Variants in DNAJC5B observed in about 807,000 individuals in gnomAD.
DNAJC5B encodes DnaJ heat shock protein family (Hsp40) member C5 beta, also known as dnaJ homolog subfamily C member 5B.
DNAJC5B carries 23 observed loss-of-function variants against 24.7 expected under a neutral mutation model. The ratio of observed to expected loss-of-function variants is 0.93; its 90% CI spans 0.67 to 1.32. The LOEUF is 1.32. Ranked by LOEUF, DNAJC5B falls within the 40% of genes most tolerant of loss-of-function variation. The pLI, the probability that DNAJC5B is intolerant of heterozygous loss-of-function variation, is 0.00. For missense variants in DNAJC5B, 238 were observed against 240.8 expected, an observed-to-expected ratio of 0.99 and a Z score of 0.08; for synonymous variants, 101 against 90.1, an observed-to-expected ratio of 1.12 and a Z score of -0.68.
intron 3 of DNAJC5B, chr8:66,057,083 G>C (rs1029200298): frequency 6.6e-6 from 1 of 152,202 alleles, no homozygotes; most frequent in Admixed American, 6.5e-5. Context: ...AGCTTGCAGT[G>C]AGCCGAGATC....
At position 66,055,050 on chromosome 8, in the gene DNAJC5B, T is replaced by C. The variant is rs186915099; in HGVS notation, c.119+3384T>C. On this transcript the variant is annotated intron_variant, in intron 3 of 5. Transcript: ENST00000276570. Reference sequence around the variant, plus strand: ...TGACTCTTAATTGTCTTTATTAATTTTGTAAGCCAAAATTTCAGGTCATAT... The same window carrying C: ...TGACTCTTAATTGTCTTTATTAATTCTGTAAGCCAAAATTTCAGGTCATAT... Among the ~76,000 whole-genome samples, 327 of 152,346 alleles carry C rather than the reference T, an allele frequency of 2.1e-3. 2 individuals carry two copies. The highest frequency in any genetic ancestry group is 1.5e-3 in the Non-Finnish European group (104 of 68,038).
In DNAJC5B at chr8:66,100,089, G is replaced by T; in HGVS notation, c.*58G>T. On this transcript the variant is annotated 3_prime_UTR_variant, in exon 6 of 6. Transcript: ENST00000276570. ...TCTCAGTTCAGTCTTGTCTCCAGAT[G>T]GTCGTAGGGGAGCGTGTGGGGCATA... 6.8e-7 allele frequency: 1 copy of T among 1,471,484 alleles called. No homozygotes were observed. The highest frequency in any genetic ancestry group is 1.2e-5 in the South Asian group (1 of 82,638). 91.2% of individuals were successfully genotyped at this position (1,471,484 alleles called of 1,614,324 possible). A position where few individuals can be genotyped will look rare whatever the true frequency, so the allele number is the denominator to read the frequency against.
chr8:66,046,805 A>G (rs1023241963), intron 2 of DNAJC5B, among the ~76,000 whole-genome samples: 1 of 152,268 alleles, frequency 6.6e-6, no homozygotes, highest in Non-Finnish European at 1.5e-5. Flanking sequence ...TGGAAGCTCA[A>G]CCAGCTGAGA....
At chr8:66,064,196 AG>A (rs1222212795) in intron 3 of DNAJC5B, among the ~76,000 whole-genome samples, 1 of 152,216 alleles carries the variant, frequency 6.6e-6, no homozygotes, top group African/African-American at 2.4e-5. Flanking sequence ...AAATGGGTTT[AG>A]GAAGAATAAG....
chr8:66,087,271 A>G (rs1178512837), intron 5 of DNAJC5B, among the ~76,000 whole-genome samples: 1 of 152,172 alleles, frequency 6.6e-6, no homozygotes, highest in Non-Finnish European at 1.5e-5. Flanking sequence ...TCTCATGAGA[A>G]TTCACTCACT....
chr8:66,095,696 T>C (rs202209275), intron 5 of DNAJC5B, among the ~76,000 whole-genome samples: 185 of 119,432 alleles, frequency 1.5e-3, no homozygotes, highest in Middle Eastern at 8.0e-3. Flanking sequence ...CACACACACA[T>C]ACAATGTTCT....
chr8:66,060,117 G>A (rs937248993), intron 3 of DNAJC5B, among the ~76,000 whole-genome samples: 2 of 152,204 alleles, frequency 1.3e-5, no homozygotes, highest in Non-Finnish European at 2.9e-5. Flanking sequence ...GCTCCTTCCA[G>A]TTTTCCTTGT....
At chr8:66,092,075 G>A (rs1473140717) in intron 5 of DNAJC5B, among the ~76,000 whole-genome samples, 1 of 152,148 alleles carries the variant, frequency 6.6e-6, no homozygotes, top group Non-Finnish European at 1.5e-5. Context: ...AGATAAAAAT[G>A]TTTTGCAATT....
chr8:66,060,710 T>C (rs1245551887), intron 3 of DNAJC5B, among the ~76,000 whole-genome samples: 1 of 152,196 alleles, frequency 6.6e-6, no homozygotes, highest in East Asian at 1.9e-4. Flanking sequence ...TACCTAATGA[T>C]AGCAGAAGCC....
At chr8:66,091,745 C>T (rs1167765638) in intron 5 of DNAJC5B, among the ~76,000 whole-genome samples, 1 of 151,836 alleles carries the variant, frequency 6.6e-6, no homozygotes, top group Non-Finnish European at 1.5e-5. Flanking sequence ...GTAGGATTAC[C>T]TAGGAAAGGG....
intron 3 of DNAJC5B, among the ~76,000 whole-genome samples, chr8:66,065,397 G>A (rs1216419017): frequency 6.6e-6 from 1 of 152,194 alleles, no homozygotes. Context: ...CATGTACTAT[G>A]GTAGCAGGTG....
chr8:66,075,720 A>C (rs1483337036), intron 3 of DNAJC5B, among the ~76,000 whole-genome samples: 1 of 152,196 alleles, frequency 6.6e-6, no homozygotes, highest in East Asian at 1.9e-4. Context: ...ATATTTTGGT[A>C]ATGTAAAGCA....
intron 2 of DNAJC5B, among the ~76,000 whole-genome samples, chr8:66,047,962 A>G (rs1806758773): frequency 6.6e-6 from 1 of 152,186 alleles, no homozygotes; most frequent in Non-Finnish European, 1.5e-5. Context: ...CCTCCCAAAG[A>G]TGTGCCAGTG....
chr8:66,054,188 A>G (rs1806915398), intron 3 of DNAJC5B, among the ~76,000 whole-genome samples: 1 of 152,180 alleles, frequency 6.6e-6, no homozygotes, highest in South Asian at 2.1e-4. Flanking sequence ...TAATCAAAAT[A>G]TAAATAAATT....
At chr8:66,081,902 T>A (rs1807604008) in intron 5 of DNAJC5B, among the ~76,000 whole-genome samples, 1 of 152,264 alleles carries the variant, frequency 6.6e-6, no homozygotes, top group Non-Finnish European at 1.5e-5. Context: ...TTATTCAAGA[T>A]GTAAAAGGAC....
chr8:66,028,697 C>T (rs559997103), intron 1 of DNAJC5B, among the ~76,000 whole-genome samples: 1 of 152,236 alleles, frequency 6.6e-6, no homozygotes, highest in African/African-American at 2.4e-5. Context: ...ACATCTTTCC[C>T]GAACCCATCA....
At chr8:66,065,724 C>T (rs1586094583) in intron 3 of DNAJC5B, among the ~76,000 whole-genome samples, 1 of 152,128 alleles carries the variant, frequency 6.6e-6, no homozygotes, top group South Asian at 2.1e-4. Context: ...TTTGTTGGTG[C>T]TTGGGTGCTT....
chr8:66,067,477 T>C (rs10100725), intron 3 of DNAJC5B, among the ~76,000 whole-genome samples: 48,677 of 151,906 alleles, frequency 0.32, 11,676 homozygotes, highest in African/African-American at 0.67. Flanking sequence ...CAACCATGCC[T>C]GCTGGTTTTC....
chr8:66,093,115 A>G (rs747795517), intron 5 of DNAJC5B, among the ~76,000 whole-genome samples: 9 of 152,304 alleles, frequency 5.9e-5, no homozygotes, highest in Middle Eastern at 3.4e-3. Flanking sequence ...TTGGGAGAAC[A>G]TCCCATAATT....
Sources: allele counts gnomAD v4.1 joint callset (sites outside exome capture counted in the v4.1 genomes callset), GRCh38; gene constraint gnomAD v4.1.1; transcripts MANE v1.5; gene names NCBI Gene and HGNC (gene_info 2026-07-23, HGNC 2026-07-21).